Variants in MLXIPL observed in about 807,000 individuals in gnomAD.
MLXIPL encodes the protein MLX interacting protein like.
In MLXIPL, 49 loss-of-function variants were observed where a neutral mutation model predicts 81.5. The ratio of observed to expected loss-of-function variants is 0.60; its 90% CI spans 0.48 to 0.76. The LOEUF is 0.76. Among genes scored for constraint, MLXIPL ranks in the 30% least tolerant of loss-of-function variants. The pLI is 0.00. For synonymous variants in MLXIPL, 466 were observed against 485.5 expected (o/e 0.96, Z 0.53); for missense variants, 1,053 against 1,167.0 (o/e 0.90, Z 1.42).
chr7:73,621,662 A>ACCCTCCATCT (rs1159805940), intron 1 of MLXIPL, among the ~76,000 whole-genome samples: 2 of 138,216 alleles, frequency 1.4e-5, no homozygotes, highest in Admixed American at 7.2e-5. Flanking sequence ...TACCGAGCCA[A>ACCCTCCATCT]CCCTCCATCT....
chr7:73,631,085 T>C, the MLXIPL span, among the ~76,000 whole-genome samples: 18 of 152,002 alleles, frequency 1.2e-4, no homozygotes, highest in African/African-American at 4.3e-4. Context: ...CTCAGCTCAC[T>C]GCAAGCTCCA....
chr7:73,622,504 A>ATT (rs1216902167), intron 1 of MLXIPL, among the ~76,000 whole-genome samples: 2 of 145,080 alleles, frequency 1.4e-5, no homozygotes, highest in Non-Finnish European at 3.1e-5. Flanking sequence ...AAAAAAAAAA[A>ATT]TTTTTTTTTT....
intron 2 of MLXIPL, among the ~76,000 whole-genome samples, chr7:73,613,261 G>T (rs1442503601): frequency 1.3e-5 from 2 of 152,210 alleles, no homozygotes; most frequent in African/African-American, 2.4e-5. Context: ...GACTATGACA[G>T]TGAGATACAG....
At chr7:73,606,615 G>A (rs918982603) in intron 5 of MLXIPL, 7 of 321,458 alleles carry the variant, frequency 2.2e-5, no homozygotes, top group East Asian at 7.8e-5. Flanking sequence ...TAGTAGAGAC[G>A]GGGTTTCACC....
chr7:73,642,686 G>C, the MLXIPL span, among the ~76,000 whole-genome samples: 1 of 151,868 alleles, frequency 6.6e-6, no homozygotes, highest in East Asian at 1.9e-4. Context: ...TTATAAGACA[G>C]GGTCTTGCCA....
chr7:73,616,270 G>A lies in MLXIPL; in HGVS notation c.294-93C>T, dbSNP rs528354610. The A allele has an allele frequency of 5.1e-6, 6 of 1,176,226 alleles. No homozygotes were observed. The Admixed American group carries it at 1.1e-4, about 21-fold the overall frequency. 72.9% of individuals were successfully genotyped at this position (1,176,226 alleles called of 1,614,324 possible). A position where few individuals can be genotyped will look rare whatever the true frequency, so the allele number is the denominator to read the frequency against. ...CCCATGCACTAGGCATCCATCTATG[G>A]TTGGCATTTGAGGGGCCCCTCCAAA... On this transcript the variant is annotated intron_variant, in intron 1 of 16. Transcript: ENST00000313375.
At chr7:73,605,380 G>A (rs572636813) in intron 7 of MLXIPL, among the ~76,000 whole-genome samples, 2 of 152,130 alleles carry the variant, frequency 1.3e-5, no homozygotes, top group Admixed American at 1.3e-4. Flanking sequence ...GCAACATGGT[G>A]AAACCCATCT....
chr7:73,617,449 A>G (rs1554601018), intron 1 of MLXIPL, among the ~76,000 whole-genome samples: 2 of 152,178 alleles, frequency 1.3e-5, no homozygotes, highest in Non-Finnish European at 2.9e-5. Context: ...AGGGCTGCAC[A>G]GAAGACAATG....
chr7:73,627,914 C>T (rs1369610464), upstream of MLXIPL, among the ~76,000 whole-genome samples: 2 of 152,042 alleles, frequency 1.3e-5, no homozygotes, highest in Non-Finnish European at 2.9e-5. Flanking sequence ...AGATCTCTGT[C>T]TCTCTGTCTT....
At chr7:73,616,632 G>C (rs1796021104) in intron 1 of MLXIPL, among the ~76,000 whole-genome samples, 1 of 152,074 alleles carries the variant, frequency 6.6e-6, no homozygotes, top group Non-Finnish European at 1.5e-5. Context: ...TGGATCGCCT[G>C]AGGTCAGGAG....
chr7:73,594,092 C>G (rs888967624), intron 16 of MLXIPL, 109 bp from the exon 17 acceptor site: 168 of 1,375,752 alleles, frequency 1.2e-4, no homozygotes, highest in Middle Eastern at 1.8e-4. Context: ...AAGACTGTCA[C>G]CCCCTCCTAG....
chr7:73,632,770 C>CCTTG, the MLXIPL span, among the ~76,000 whole-genome samples: 3 of 89,808 alleles, frequency 3.3e-5, no homozygotes, highest in Non-Finnish European at 7.3e-5. Context: ...TTCCTTCCTT[C>CCTTG]CTTCCTTCCT....
chr7:73,614,587 C>A (rs1405538204), intron 2 of MLXIPL, among the ~76,000 whole-genome samples: 1 of 152,164 alleles, frequency 6.6e-6, no homozygotes, highest in Non-Finnish European at 1.5e-5. Context: ...GCAGCAGAAC[C>A]TGACCTGAAT....
chr7:73,596,748 C>A lies in MLXIPL; in HGVS notation c.1713G>T (p.Pro571=), dbSNP rs1554594177. The A allele has an allele frequency of 1.3e-6, 2 of 1,596,670 alleles. No individual in the cohort carries two copies. Among genetic ancestry groups the A allele is most frequent in the Non-Finnish European group, 1.7e-6 (2 of 1,173,144 alleles). The part of the protein sequence containing the change: ...VPEFPCTFLP[P]TPAPTPPRPP... ...GCCGGGGCGGTGTAGGGGCCGGGGT[C>A]GGGGGAAGGAATGTGCAGGGGAATT... The change falls in exon 11 of 17, where the codon CCG becomes CCT. Residue 571 remains proline, a synonymous_variant. Transcript: ENST00000313375. This position sits in a 1 kb window ranked among gnomAD's most constrained non-coding sequence, Gnocchi z 4.7.
chr7:73,606,938 G>A lies in MLXIPL; in HGVS notation c.618+36C>T, dbSNP rs782181597. 5 of 1,610,102 alleles carry A rather than the reference G, an allele frequency of 3.1e-6. No homozygotes were observed. The South Asian group carries it at 5.5e-5, about 18-fold the overall frequency. Reference sequence around the variant, plus strand: ...CCTCCCATCTACTTGGGGGGCAAAGGGATGCCCTTGCCTGCTGGACTTACA... The same window carrying A: ...CCTCCCATCTACTTGGGGGGCAAAGAGATGCCCTTGCCTGCTGGACTTACA... On this transcript the variant is annotated intron_variant, in intron 5 of 16. Coordinates refer to ENST00000313375, the MANE Select transcript of MLXIPL (RefSeq NM_032951.3).
the MLXIPL span, among the ~76,000 whole-genome samples, chr7:73,644,491 C>T: frequency 2.2e-3 from 341 of 152,192 alleles, 1 homozygote; most frequent in African/African-American, 7.9e-3. Context: ...ATTGCAGACA[C>T]GAGCCACTGT....
At position 73,593,801 on chromosome 7, in the gene MLXIPL, G is replaced by A; in HGVS notation, c.*64C>T. ...AAGGGAGTGCCCAGAGATGATCCCT[G>A]GAGCCCGTGCCCAGGGAAAGCAGCC... On this transcript the variant is annotated 3_prime_UTR_variant, in exon 17 of 17. Coordinates refer to ENST00000313375, the MANE Select transcript of MLXIPL (RefSeq NM_032951.3). 1.4e-6 allele frequency: 2 copies of A among 1,380,888 alleles called. No individual in the cohort carries two copies. Among genetic ancestry groups the A allele is most frequent in the Non-Finnish European group, 2.1e-6 (2 of 968,646 alleles). The allele number at this position is 1,380,888 out of a possible 1,614,324, so 85.5% of individuals were successfully genotyped here. A position where few individuals can be genotyped will look rare whatever the true frequency, so the allele number is the denominator to read the frequency against.
intron 15 of MLXIPL, 142 bp from the exon 16 acceptor site, chr7:73,594,545 T>A: frequency 9.9e-7 from 1 of 1,008,014 alleles, no homozygotes. Context: ...TTGCAGCCCC[T>A]ACTTCTTCTT....
chr7:73,631,558 CTTTTTTTTTTTTT>C, the MLXIPL span, among the ~76,000 whole-genome samples: 1 of 69,662 alleles, frequency 1.4e-5, no homozygotes, highest in Non-Finnish European at 2.9e-5. Context: ...GATGTTGCTA[CTTTTTTTTTTTTT>C]TTTTTTTTTT....
Sources: gnomAD v4.1 joint callset for allele counts (sites outside exome capture counted in the v4.1 genomes callset) on GRCh38, gnomAD v4.1.1 for gene constraint, Gnocchi (gnomAD v3.1) non-coding constraint, MANE v1.5 for transcripts, NCBI Gene and HGNC (gene_info 2026-07-23, HGNC 2026-07-21) for gene names.